Variants in NCALD observed in about 807,000 individuals in gnomAD.
The protein encoded by NCALD is neurocalcin delta, also known as neurocalcin-delta.
In NCALD, 10 loss-of-function variants were observed where a neutral mutation model predicts 18.6. The observed-to-expected ratio is 0.54, with a 90% confidence interval of 0.33 to 0.91. The LOEUF is 0.91. Ranked by LOEUF, NCALD falls within the 40% of genes least tolerant of loss-of-function variation. NCALD has a pLI of 0.03. For synonymous variants in NCALD, 88 were observed against 87.4 expected (o/e 1.01, Z -0.04); for missense variants, 184 against 247.6 (o/e 0.74, Z 1.72).
At chr8:101,709,858 A>G (rs1033959622) in intron 2 of NCALD, among the ~76,000 whole-genome samples, 7 of 152,210 alleles carry the variant, frequency 4.6e-5, no homozygotes, top group Non-Finnish European at 1.0e-4. Flanking sequence ...TAAGATGAGG[A>G]AAGGTCAGGG....
chr8:102,081,188 T>A (rs909503424), intron 1 of NCALD, among the ~76,000 whole-genome samples: 1 of 152,068 alleles, frequency 6.6e-6, no homozygotes, highest in African/African-American at 2.4e-5. Flanking sequence ...TCTCTTATTG[T>A]GAAAAACAAA....
At chr8:101,729,812 G>A (rs1172605125) in intron 1 of NCALD, among the ~76,000 whole-genome samples, 2 of 152,144 alleles carry the variant, frequency 1.3e-5, no homozygotes, top group Non-Finnish European at 2.9e-5. Context: ...GGCCTGGCCT[G>A]GGGGTTTTTC....
intron 3 of NCALD, among the ~76,000 whole-genome samples, chr8:101,896,809 C>A (rs1349389920): frequency 8.7e-6 from 1 of 115,076 alleles, no homozygotes; most frequent in African/African-American, 4.8e-5. Flanking sequence ...ATCAAAACCA[C>A]AATGAGATAC....
intron 2 of NCALD, among the ~76,000 whole-genome samples, chr8:101,969,816 G>T (rs559168029): frequency 5.3e-5 from 8 of 152,310 alleles, no homozygotes; most frequent in African/African-American, 1.7e-4. Context: ...AATTTCATAT[G>T]ATTTGACCTA....
At chr8:102,065,487 A>G (rs569316720) in intron 1 of NCALD, among the ~76,000 whole-genome samples, 21 of 152,336 alleles carry the variant, frequency 1.4e-4, no homozygotes, top group African/African-American at 5.1e-4. Flanking sequence ...CAAATGAAAC[A>G]GAGGCCTTTA....
chr8:102,081,771 A>C (rs1824547031), intron 1 of NCALD, among the ~76,000 whole-genome samples: 1 of 152,196 alleles, frequency 6.6e-6, no homozygotes, highest in Non-Finnish European at 1.5e-5. Flanking sequence ...CTCTGCTGGC[A>C]GTCCCTTTAC....
Position 101,688,906 on chromosome 8 carries a change from G to C in NCALD, c.*403C>G. ...CACCCCTACGGCACGTGTGACAACA[G>C]ATTCAGGTGGGGAGTTTTGTCTTTC... On this transcript the variant is annotated 3_prime_UTR_variant, in exon 4 of 4. Transcript: ENST00000220931. 1.6e-6 allele frequency: 1 copy of C among 627,220 alleles called. No individual in the cohort carries two copies. Among genetic ancestry groups the C allele is most frequent in the South Asian group, 1.9e-5 (1 of 53,186 alleles). 38.9% of individuals were successfully genotyped at this position (627,220 alleles called of 1,614,324 possible).
chr8:101,779,033 CT>C (rs1409203759), intron 1 of NCALD, among the ~76,000 whole-genome samples: 2 of 152,120 alleles, frequency 1.3e-5, no homozygotes, highest in African/African-American at 4.8e-5. Flanking sequence ...TCTGCATCTG[CT>C]TTCCAGGTTG....
At position 101,857,756 on chromosome 8, in the gene NCALD, A is replaced by AT. The variant is rs771789436; in HGVS notation, c.-20+29384dup. ...GCTTTGGAGAGTTTTGGGGGAAATT[A>AT]TAAGTTAATTAAATTAAAGCAATGA... On this transcript the variant is annotated intron_variant, in intron 4 of 6. Coordinates refer to the NCALD transcript ENST00000311028. Among the ~76,000 whole-genome samples, 13 of 152,324 alleles carry AT rather than the reference A, an allele frequency of 8.5e-5. No homozygotes were observed. The South Asian group carries it at 1.5e-3, about 17-fold the overall frequency.
intron 1 of NCALD, chr8:102,029,113 A>C (rs1425587061): frequency 6.6e-6 from 1 of 152,218 alleles, no homozygotes; most frequent in Non-Finnish European, 1.5e-5. Context: ...ATAGAGATAG[A>C]AGAGAAAGTC....
At chr8:101,780,260 C>T (rs751235277) in intron 1 of NCALD, among the ~76,000 whole-genome samples, 7 of 152,098 alleles carry the variant, frequency 4.6e-5, no homozygotes, top group Non-Finnish European at 7.4e-5. Flanking sequence ...ATAAAAATTG[C>T]ACTGGGTTAA....
At chr8:101,902,444 C>A (rs529468644) in intron 3 of NCALD, among the ~76,000 whole-genome samples, 1 of 152,170 alleles carries the variant, frequency 6.6e-6, no homozygotes, top group Non-Finnish European at 1.5e-5. Context: ...CCAGTGACCA[C>A]GCAGGCTGAT....
chr8:102,046,657 A>C (rs916699957), intron 1 of NCALD, among the ~76,000 whole-genome samples: 1 of 152,114 alleles, frequency 6.6e-6, no homozygotes, highest in African/African-American at 2.4e-5. Flanking sequence ...GGTGTGCTCC[A>C]CCATGCCCAG....
intron 4 of NCALD, among the ~76,000 whole-genome samples, chr8:101,870,909 C>A (rs182298927): frequency 0.046 from 3,772 of 81,524 alleles, 332 homozygotes; most frequent in African/African-American, 0.079. Context: ...CCCCCCCCCC[C>A]AAAAAAAGAG....
At chr8:101,901,831 C>T (rs1454003535) in intron 3 of NCALD, among the ~76,000 whole-genome samples, 2 of 151,784 alleles carry the variant, frequency 1.3e-5, no homozygotes, top group African/African-American at 2.4e-5. Context: ...CGACTTGTCA[C>T]CCAGGTTAGT....
At chr8:101,867,027 C>G (rs1815798372) in intron 4 of NCALD, among the ~76,000 whole-genome samples, 1 of 152,132 alleles carries the variant, frequency 6.6e-6, no homozygotes, top group Admixed American at 6.5e-5. Flanking sequence ...CATCTCTGTT[C>G]TCTCTGCTCC....
rs138561423 is a variant in NCALD at position 101,960,747 on chromosome 8, T to C, written c.-156-44889A>G. Among the ~76,000 whole-genome samples, 691 of 152,266 alleles carry C rather than the reference T, an allele frequency of 4.5e-3. 7 individuals are homozygous for C. Among genetic ancestry groups the C allele is most frequent in the African/African-American group, 0.015 (613 of 41,548 alleles). ...ATAGGCTTTCCACTCCCTTAGCAAT[T>C]TGCCTTGGTTTTGAGGACCCTTTAT... is the stretch of plus-strand genomic sequence containing the variant. On this transcript the variant is annotated intron_variant, in intron 2 of 6. Transcript: ENST00000311028.
At chr8:101,908,172 C>T (rs867470308) in intron 3 of NCALD, among the ~76,000 whole-genome samples, 5 of 152,250 alleles carry the variant, frequency 3.3e-5, no homozygotes, top group Non-Finnish European at 4.4e-5. Flanking sequence ...AATTCAGCCC[C>T]GAATAGCATG....
At chr8:101,902,920 T>C (rs1563879603) in intron 3 of NCALD, among the ~76,000 whole-genome samples, 1 of 152,158 alleles carries the variant, frequency 6.6e-6, no homozygotes, top group Non-Finnish European at 1.5e-5. Flanking sequence ...CACCAACAAC[T>C]GTGTTGCTCT....
Sources: gnomAD v4.1 joint callset for allele counts (sites outside exome capture counted in the v4.1 genomes callset) on GRCh38, gnomAD v4.1.1 for gene constraint, MANE v1.5 for transcripts, NCBI Gene and HGNC (gene_info 2026-07-23, HGNC 2026-07-21) for gene names.